ARHGEF18: variants seen among roughly 807,000 people sequenced by gnomAD.
The protein encoded by ARHGEF18 is rho guanine nucleotide exchange factor 18.
Under a neutral mutation model 155.7 loss-of-function variants are expected in ARHGEF18, and 93 were observed. The observed-to-expected ratio is 0.60, with a 90% CI of 0.50 to 0.71. The LOEUF (loss-of-function observed/expected upper bound fraction) is 0.71, where lower values mean the gene tolerates loss of function less well. ARHGEF18 is among the 30% of genes least tolerant of loss of function. The probability of loss-of-function intolerance (pLI) is 0.00; values close to 1 mark genes in which losing one functional copy is unlikely to be tolerated. For synonymous variants in ARHGEF18, 742 were observed against 753.1 expected (o/e 0.99, Z 0.24); for missense variants, 1,593 against 1,816.1 (o/e 0.88, Z 2.23).
intron 2 of ARHGEF18, among the ~76,000 whole-genome samples, chr19:7,369,935 G>A (rs115972457): frequency 0.02 from 3,005 of 152,102 alleles, 82 homozygotes; most frequent in African/African-American, 0.067. Context: ...AGCGGCTCAC[G>A]CTTGTAACCC....
intron 10 of ARHGEF18, among the ~76,000 whole-genome samples, chr19:7,389,111 G>A (rs1203077983): frequency 2.7e-5 from 4 of 148,658 alleles, no homozygotes; most frequent in South Asian, 2.1e-4. Context: ...TCAGCCTCCC[G>A]AGTAGCAGGG....
intron 10 of ARHGEF18, among the ~76,000 whole-genome samples, chr19:7,401,785 C>T (rs1156871191): frequency 6.6e-6 from 1 of 152,162 alleles, no homozygotes; most frequent in Non-Finnish European, 1.5e-5. Context: ...GAGGAATGTT[C>T]ATAGTAGCAT....
Position 7,450,020 on chromosome 19 carries a change from G to A in ARHGEF18, c.1738-1129G>A, listed in dbSNP as rs114556804. On this transcript the variant is annotated intron_variant, in intron 15 of 28. Coordinates refer to ENST00000668164, the MANE Select transcript of ARHGEF18 (RefSeq NM_001367823.1). Reference sequence around the variant, plus strand: ...ATACAGCAGGTGATCCCTGCGTTCAGGTATCTGGTGTCTGTCTCCTCCAAA... The same window carrying A: ...ATACAGCAGGTGATCCCTGCGTTCAAGTATCTGGTGTCTGTCTCCTCCAAA... Among the ~76,000 whole-genome samples, 1,448 of 152,264 alleles carry A rather than the reference G, an allele frequency of 9.5e-3. 18 individuals carry two copies. The highest frequency in any genetic ancestry group is 0.02 in the Middle Eastern group (6 of 294).
intron 10 of ARHGEF18, among the ~76,000 whole-genome samples, chr19:7,438,933 C>CG (rs1468109814): frequency 2.6e-5 from 4 of 151,744 alleles, no homozygotes; most frequent in Non-Finnish European, 4.4e-5. Flanking sequence ...AGTGCAGTGG[C>CG]GCAATCTCCG....
the ARHGEF18 span, among the ~76,000 whole-genome samples, chr19:7,477,753 G>A: frequency 6.6e-6 from 1 of 152,242 alleles, no homozygotes; most frequent in Non-Finnish European, 1.5e-5. Flanking sequence ...TGGAGGGAAG[G>A]GGGAACCCCC....
In ARHGEF18 at chr19:7,417,614, C is replaced by G. The variant is rs146015086; in HGVS notation, c.968-22730C>G. Among the ~76,000 whole-genome samples, 691 of 152,272 alleles carry G rather than the reference C, an allele frequency of 4.5e-3. 4 individuals carry two copies. The highest frequency in any genetic ancestry group is 7.5e-3 in the Non-Finnish European group (511 of 68,024). ...CGGGAGACTGAGGCATGACAATCAC[C>G]TGAAACCAGGAGGCAGAAGTTATAG... On this transcript the variant is annotated intron_variant, in intron 10 of 28. Transcript: ENST00000668164.
At position 7,462,792 on chromosome 19, in the gene ARHGEF18, G is replaced by C. The variant is rs1228555831; in HGVS notation, c.2635+458G>C. Among the ~76,000 whole-genome samples, 1 of 151,538 alleles carries C rather than the reference G, an allele frequency of 6.6e-6. No homozygotes were observed. The highest frequency in any genetic ancestry group is 1.5e-5 in the Non-Finnish European group (1 of 67,896). On this transcript the variant is annotated intron_variant, in intron 21 of 28. Coordinates refer to ENST00000668164, the MANE Select transcript of ARHGEF18 (RefSeq NM_001367823.1). The surrounding 1 kb of genome is among the most constrained non-coding windows in gnomAD (Gnocchi z 4.4). ...CGCCAGGCCCCTGGGCTGGCCGCTT[G>C]AGCAGGCAGTCAGCGCCCAGTCTGC...
At chr19:7,460,640 C>CT (rs1600525319) in intron 20 of ARHGEF18, among the ~76,000 whole-genome samples, 1 of 122,220 alleles carries the variant, frequency 8.2e-6, no homozygotes, top group Non-Finnish European at 1.8e-5. Context: ...GGAGTCACAC[C>CT]GCGCGGCCTT....
intron 5 of ARHGEF18, among the ~76,000 whole-genome samples, chr19:7,377,272 T>C (rs560795659): frequency 1.3e-5 from 2 of 151,872 alleles, no homozygotes; most frequent in Non-Finnish European, 1.5e-5. Flanking sequence ...GGTTTCGCCA[T>C]GTTGGCCAGG....
At chr19:7,430,601 G>A (rs568195802) in intron 10 of ARHGEF18, among the ~76,000 whole-genome samples, 5 of 151,692 alleles carry the variant, frequency 3.3e-5, no homozygotes, top group African/African-American at 1.2e-4. Flanking sequence ...CCTGGAGTTC[G>A]AGATCAGCCT....
chr19:7,439,197 T>G (rs919014548), intron 10 of ARHGEF18, among the ~76,000 whole-genome samples: 1 of 151,940 alleles, frequency 6.6e-6, no homozygotes. Context: ...TTGAGCTTTA[T>G]TAAGTGTTGC....
chr19:7,441,856 G>C (rs1974666722), intron 12 of ARHGEF18, 56 bp from the exon 13 acceptor site: 1 of 1,613,102 alleles, frequency 6.2e-7, no homozygotes, highest in Non-Finnish European at 8.5e-7. Context: ...CTACGGGAGG[G>C]AATTGGGGTG....
At chr19:7,469,861 GCTGGCCAGCCTGGAGCTGGC>G (rs749788528) in intron 27 of ARHGEF18, 23 bp from the exon 28 acceptor site, 27 of 1,600,854 alleles carry the variant, frequency 1.7e-5, no homozygotes, top group Non-Finnish European at 2.2e-5. Context: ...GGTGGGGACA[GCTGGCCAGCCTGGAGCTGGC>G]CCAAATACCT....
chr19:7,416,117 G>C (rs1972989171), intron 10 of ARHGEF18, among the ~76,000 whole-genome samples: 1 of 152,178 alleles, frequency 6.6e-6, no homozygotes, highest in Admixed American at 6.5e-5. Context: ...ATGACCCCTA[G>C]CTGGGCGAGG....
intron 20 of ARHGEF18, among the ~76,000 whole-genome samples, chr19:7,460,870 G>A (rs1340267648): frequency 6.6e-6 from 1 of 151,242 alleles, no homozygotes; most frequent in East Asian, 2.0e-4. Context: ...CTTACTGCAA[G>A]CTCTGCCTAT....
chr19:7,458,296 T>TAAAA (rs1568356963), intron 18 of ARHGEF18, among the ~76,000 whole-genome samples: 1 of 110,032 alleles, frequency 9.1e-6, no homozygotes, highest in Non-Finnish European at 1.9e-5. Context: ...CCAAGATAGT[T>TAAAA]TAAAAAAAAA....
chr19:7,470,593 T>C lies in ARHGEF18; in HGVS notation c.*295T>C. The C allele has an allele frequency of 5.1e-6, 2 of 395,884 alleles. No homozygotes were observed. Among genetic ancestry groups the C allele is most frequent in the Non-Finnish European group, 8.9e-6 (2 of 225,110 alleles). The allele number at this position is 395,884 out of a possible 1,614,324, so 24.5% of individuals were successfully genotyped here. A position where few individuals can be genotyped will look rare whatever the true frequency, so the allele number is the denominator to read the frequency against. On this transcript the variant is annotated 3_prime_UTR_variant, in exon 29 of 29. Coordinates refer to ENST00000668164, the MANE Select transcript of ARHGEF18 (RefSeq NM_001367823.1). The surrounding 1 kb of genome is among the most constrained non-coding windows in gnomAD (Gnocchi z 5.9). ...TAAACCAGGGAGCTGTCTGAAATCATAGCACCCCATCCGGGTGGCGGGGAG... is the reference window on the plus strand; with the variant it reads ...TAAACCAGGGAGCTGTCTGAAATCACAGCACCCCATCCGGGTGGCGGGGAG...
At chr19:7,410,381 A>AAT (rs368691974) in intron 10 of ARHGEF18, among the ~76,000 whole-genome samples, 3,513 of 150,336 alleles carry the variant, frequency 0.023, 130 homozygotes, top group African/African-American at 0.074. Context: ...GTTGGCTTGA[A>AAT]ATATATATAT....
intron 1 of ARHGEF18, among the ~76,000 whole-genome samples, chr19:7,357,710 C>T (rs2145322363): frequency 6.6e-6 from 1 of 152,206 alleles, no homozygotes; most frequent in South Asian, 2.1e-4. Flanking sequence ...CTGTAATTGG[C>T]TGTCTGGGCA....
Sources: gnomAD v4.1 joint callset for allele counts (sites outside exome capture counted in the v4.1 genomes callset) on GRCh38, gnomAD v4.1.1 for gene constraint, Gnocchi (gnomAD v3.1) non-coding constraint, MANE v1.5 for transcripts, NCBI Gene and HGNC (gene_info 2026-07-23, HGNC 2026-07-21) for gene names.